The following CNBD2 variants were observed in gnomAD, a reference collection of about 807,000 sequenced individuals.
CNBD2 encodes cyclic nucleotide binding domain containing 2.
In CNBD2, 64 loss-of-function variants were observed where a neutral mutation model predicts 63.7. The observed-to-expected ratio is 1.00, with a 90% CI of 0.82 to 1.24. The LOEUF (loss-of-function observed/expected upper bound fraction) is 1.24. Ranked by LOEUF, CNBD2 falls within the 50% of genes most tolerant of loss-of-function variation. CNBD2 has a pLI of 0.00. For synonymous variants in CNBD2, 229 were observed against 255.4 expected (o/e 0.90, Z 0.99); for missense variants, 691 against 713.5 (o/e 0.97, Z 0.36).
intron 10 of CNBD2, among the ~76,000 whole-genome samples, chr20:36,021,707 C>T (rs1281871759): frequency 6.6e-6 from 1 of 152,184 alleles, no homozygotes; most frequent in Non-Finnish European, 1.5e-5. Context: ...GAAGACTGAG[C>T]ACTGGATTGG....
rs139223468 is a variant in CNBD2 at position 35,977,246 on chromosome 20, A to C, written c.243+1244A>C. 5.5e-3 allele frequency among the ~76,000 whole-genome samples: 843 copies of C among 152,330 alleles called. 5 individuals carry two copies. The highest frequency in any genetic ancestry group is 0.02 in the African/African-American group (815 of 41,574). On this transcript the variant is annotated intron_variant, in intron 3 of 11. Coordinates refer to ENST00000373973, the MANE Select transcript of CNBD2 (RefSeq NM_001365709.1). ...GGCAAGGCCTATAGGTGGTCCTCAA[A>C]TGAATCATGCCTGACTCTGGTTCCA...
rs770610448 is a variant in CNBD2 at position 35,984,706 on chromosome 20, G to A, written c.644G>A (p.Arg215Gln). ...GAAACGGAGTTCCTGGTTGTTGACC[G>A]GGAGGACTTCTTTGCTAATAAGCTG... ...MEETEFLVVDREDFFANKLDQ... is the reference protein window; with the variant it reads ...MEETEFLVVDQEDFFANKLDQ... The change falls in exon 6 of 12, where the codon CGG (arginine) becomes CAG (glutamine). Residue 215 changes from arginine (R) to glutamine (Q), a missense_variant. Transcript: ENST00000373973. The A allele has an allele frequency of 6.8e-6, 11 of 1,613,948 alleles. No individual in the cohort carries two copies. Among genetic ancestry groups the A allele is most frequent in the Admixed American group, 1.7e-5 (1 of 60,000 alleles).
rs1202741072 is a variant in CNBD2, at chr20:35,972,692, G to A, written c.115G>A (p.Gly39Ser). The A allele has an allele frequency of 6.2e-7, 1 of 1,613,904 alleles. No individual in the cohort carries two copies. Among genetic ancestry groups the A allele is most frequent in the East Asian group, 2.2e-5 (1 of 44,894 alleles). ...MIRVCKMFRQ[G>S]LRGFREYQII... ...CCGAGTGTGTAAAATGTTCCGCCAA[G>A]GCCTCAGGGGATTCCGGGAATATCA... The change falls in exon 2 of 12, where the codon GGC (glycine) becomes AGC (serine). Residue 39 changes from glycine (G) to serine (S), a missense_variant. Transcript: ENST00000373973.
chr20:35,955,467 G>A (rs2056245909), downstream of CNBD2: 1 of 152,162 alleles, frequency 6.6e-6, no homozygotes, highest in Non-Finnish European at 1.5e-5. Context: ...TTAGAGTGTT[G>A]GAGTGAGGCT....
chr20:35,981,125 G>T (rs144157546), intron 4 of CNBD2, among the ~76,000 whole-genome samples: 268 of 152,314 alleles, frequency 1.8e-3, no homozygotes, highest in African/African-American at 6.3e-3. Context: ...GGAAAAATAT[G>T]ACCAGATGCT....
At chr20:36,003,983 G>A (rs752789033) in intron 8 of CNBD2, among the ~76,000 whole-genome samples, 9 of 152,102 alleles carry the variant, frequency 5.9e-5, no homozygotes, top group Non-Finnish European at 1.3e-4. Flanking sequence ...CGTGGCTATT[G>A]GCCAAGTGTC....
intron 11 of CNBD2, among the ~76,000 whole-genome samples, chr20:36,028,252 G>T (rs2057304140): frequency 6.6e-6 from 1 of 152,086 alleles, no homozygotes; most frequent in Non-Finnish European, 1.5e-5. Context: ...ATAGAGTTGA[G>T]TGGGGGCAGA....
At chr20:35,979,633 G>C (rs1210631369) in intron 3 of CNBD2, among the ~76,000 whole-genome samples, 1 of 152,332 alleles carries the variant, frequency 6.6e-6, no homozygotes, top group South Asian at 2.1e-4. Context: ...CCTATAGCAA[G>C]AGCCTACTGG....
intron 2 of CNBD2, among the ~76,000 whole-genome samples, chr20:35,960,937 C>T (rs1361561241): frequency 6.6e-6 from 1 of 151,326 alleles, no homozygotes; most frequent in Non-Finnish European, 1.5e-5. Flanking sequence ...CGCCACCCCC[C>T]TCCTCCCGCT....
At chr20:35,998,273 T>G (rs755946357) in intron 8 of CNBD2, among the ~76,000 whole-genome samples, 73 of 152,114 alleles carry the variant, frequency 4.8e-4, no homozygotes, top group Non-Finnish European at 9.4e-4. Flanking sequence ...ACTCCTGACC[T>G]CTGGTGATCT....
intron 2 of CNBD2, among the ~76,000 whole-genome samples, chr20:35,960,607 C>T (rs1157075321): frequency 1.3e-5 from 2 of 152,208 alleles, no homozygotes; most frequent in Admixed American, 1.3e-4. Flanking sequence ...CCTGCCTTAG[C>T]CACCCAAAGT....
intron 2 of CNBD2, chr20:35,973,109 A>C: frequency 2.3e-6 from 1 of 429,446 alleles, no homozygotes. Context: ...GAAGGAGACA[A>C]TCATGCCTAG....
chr20:35,971,569 C>T (rs186433310), intron 1 of CNBD2, among the ~76,000 whole-genome samples: 10 of 152,262 alleles, frequency 6.6e-5, no homozygotes, highest in Non-Finnish European at 1.3e-4. Flanking sequence ...GCAAGCACCA[C>T]CATGCCAGGC....
chr20:36,021,423 C>T (rs948503884), intron 10 of CNBD2, among the ~76,000 whole-genome samples: 3 of 151,900 alleles, frequency 2.0e-5, no homozygotes, highest in Non-Finnish European at 4.4e-5. Flanking sequence ...AGAGAGGGAA[C>T]GAAAAGAAAG....
In CNBD2 at chr20:35,986,567, A is replaced by T. The variant is rs961248656; in HGVS notation, c.717-828A>T. Among the ~76,000 whole-genome samples the T allele has an allele frequency of 5.9e-5, 9 of 152,096 alleles. No homozygotes were observed. In the East Asian group the frequency reaches 1.7e-3, roughly 29 times the overall value. On this transcript the variant is annotated intron_variant, in intron 6 of 11. Coordinates refer to ENST00000373973, the MANE Select transcript of CNBD2 (RefSeq NM_001365709.1). ...TAGGTACTTCTTCTATGGTGGCCCT[A>T]CTTTTCTTCTGGTGTCTTCAGACCT...
At chr20:36,000,254 T>A (rs1330490906) in intron 8 of CNBD2, among the ~76,000 whole-genome samples, 1 of 151,542 alleles carries the variant, frequency 6.6e-6, no homozygotes, top group East Asian at 1.9e-4. Flanking sequence ...GTTGACAGGT[T>A]TTTTCTTTCA....
At position 35,987,512 on chromosome 20, in the gene CNBD2, C is replaced by T. The variant is rs746733258; in HGVS notation, c.834C>T (p.Pro278=). Residue 278 remains proline, a synonymous_variant, in exon 7 of 12, where the codon CCC becomes CCT. Coordinates refer to ENST00000373973, the MANE Select transcript of CNBD2 (RefSeq NM_001365709.1). ...TCTCAAAAGATTTTGGAGAGTCACC[C>T]TTCATCATGTTTATCAGCAAGGTGA... ...QLISKDFGES[P]FIMFISKGSC... is the part of the protein sequence containing the mutation. 1.2e-6 allele frequency: 2 copies of T among 1,614,102 alleles called. No individual in the cohort carries two copies. Among genetic ancestry groups the T allele is most frequent in the South Asian group, 1.1e-5 (1 of 91,074 alleles).
intron 8 of CNBD2, among the ~76,000 whole-genome samples, chr20:36,002,362 G>C (rs934801756): frequency 6.6e-6 from 1 of 152,234 alleles, no homozygotes; most frequent in African/African-American, 2.4e-5. Flanking sequence ...GTCCAGCTTC[G>C]GCTGGGCAGC....
chr20:35,988,089 C>T (rs934249107), intron 7 of CNBD2, among the ~76,000 whole-genome samples: 11 of 151,956 alleles, frequency 7.2e-5, no homozygotes, highest in African/African-American at 2.4e-4. Flanking sequence ...AGGCTGGTGT[C>T]GATCTCCTGA....
Sources: allele counts gnomAD v4.1 joint callset (sites outside exome capture counted in the v4.1 genomes callset), GRCh38; gene constraint gnomAD v4.1.1; transcripts MANE v1.5; gene names NCBI Gene and HGNC (gene_info 2026-07-23, HGNC 2026-07-21).